Variants in KDM6A observed in about 807,000 individuals in gnomAD.
The protein encoded by KDM6A is lysine demethylase 6A, also known as lysine-specific demethylase 6A.
A neutral mutation model predicts 117.6 loss-of-function variants in KDM6A; 11 were observed. The observed-to-expected ratio is 0.09, with a 90% confidence interval of 0.06 to 0.15. The LOEUF is 0.15. KDM6A is among the 10% of genes least tolerant of loss of function. KDM6A has a pLI of 1.00. For missense variants in KDM6A, 799 were observed against 1,077.3 expected (o/e 0.74, Z 3.62); for synonymous variants, 384 against 396.1 (o/e 0.97, Z 0.36).
Position 44,971,778 on chromosome X carries a change from A to G in KDM6A, c.335-2888A>G, listed in dbSNP as rs149525611. On this transcript the variant is annotated intron_variant, in intron 3 of 29. Coordinates refer to ENST00000611820, the MANE Select transcript of KDM6A (RefSeq NM_001291415.2). ...TGGTAGCAGCCAGATGAAGGAACTT[A>G]CAGGAGGGTTTAGGTAAAGTTTGTT... 2.6e-3 allele frequency among the ~76,000 whole-genome samples: 290 copies of G among 111,478 alleles called. 1 individual carries two copies. Among genetic ancestry groups the G allele is most frequent in the Non-Finnish European group, 3.1e-3 (162 of 53,099 alleles).
Position 44,922,027 on chromosome X carries a change from C to CTTTTTTTTTTTTTTTTTTTTTTTTTT in KDM6A, c.226-39257_226-39256insTTTTTTTTTTTTTTTTTTTTTTTTTT, listed in dbSNP as rs1412985730. On this transcript the variant is annotated intron_variant, in intron 2 of 29. Transcript: ENST00000611820. ...ATGCTGATAAAATTCATTGTGTGTGCCTTTTTTTTTTTTTTTTTTTTTTTT... is the reference window on the plus strand; with the variant it reads ...ATGCTGATAAAATTCATTGTGTGTGCTTTTTTTTTTTTTTTTTTTTTTTTTTCTTTTTTTTTTTTTTTTTTTTTTTT... 2.4e-3 allele frequency among the ~76,000 whole-genome samples: 92 copies of CTTTTTTTTTTTTTTTTTTTTTTTTTT among 37,714 alleles called. 43 individuals carry two copies. The highest frequency in any genetic ancestry group is 6.0e-3 in the South Asian group (2 of 334). 32.8% of individuals were successfully genotyped at this position (37,714 alleles called of 115,157 possible). A position where few individuals can be genotyped will look rare whatever the true frequency, so the allele number is the denominator to read the frequency against.
intron 2 of KDM6A, among the ~76,000 whole-genome samples, chrX:44,925,548 T>C (rs2036250771): frequency 8.9e-6 from 1 of 112,282 alleles, no homozygotes; most frequent in Admixed American, 9.5e-5. Context: ...AATCTGCTTA[T>C]GCAGAGTACT....
chrX:45,024,090 A>G (rs1054576034), intron 6 of KDM6A, among the ~76,000 whole-genome samples: 1 of 112,334 alleles, frequency 8.9e-6, no homozygotes, highest in Non-Finnish European at 1.9e-5. Context: ...TTGTGCTGCT[A>G]TAAACATGTG....
At chrX:45,044,595 C>T (rs2043441076) in intron 8 of KDM6A, among the ~76,000 whole-genome samples, 1 of 111,335 alleles carries the variant, frequency 9.0e-6, no homozygotes, top group South Asian at 3.7e-4. Flanking sequence ...TAAGCAAGTC[C>T]ACATATGTTT....
At chrX:44,895,454 T>A (rs988327142) in intron 2 of KDM6A, among the ~76,000 whole-genome samples, 6 of 84,841 alleles carry the variant, frequency 7.1e-5, no homozygotes, top group African/African-American at 2.0e-4. Flanking sequence ...TTTTTATTGA[T>A]TGCTTTTTTT....
At position 45,078,478 on chromosome X, in the gene KDM6A, C is replaced by T. The variant is rs2148113085; in HGVS notation, c.3067C>T (p.Arg1023Cys). 3 of 1,208,524 alleles carry T rather than the reference C, an allele frequency of 2.5e-6. No homozygotes were observed. Among genetic ancestry groups the T allele is most frequent in the Non-Finnish European group, 3.4e-6 (3 of 893,532 alleles). Residue 1023 changes from arginine (R) to cysteine (C), a missense_variant, in exon 20 of 30, where the codon CGT becomes TGT. Physicochemically the swap from Arg to Cys is radical, Grantham distance 180. Transcript: ENST00000611820. ...TNPNNPVTVI[R>C]GLAGALKLDL... ...TCCGAACAACCCTGTTACAGTAATA[C>T]GTGGCCTTGCTGGAGCTCTTAAGTT... is the stretch of plus-strand genomic sequence containing the variant.
At chrX:44,916,854 C>T (rs1422436318) in intron 2 of KDM6A, among the ~76,000 whole-genome samples, 2 of 109,327 alleles carry the variant, frequency 1.8e-5, no homozygotes, top group Admixed American at 9.8e-5. Context: ...CTGTGTTGCC[C>T]AGGCTGATCT....
chrX:44,942,038 C>CTT (rs756550740), intron 2 of KDM6A, among the ~76,000 whole-genome samples: 6 of 100,641 alleles, frequency 6.0e-5, no homozygotes, highest in Non-Finnish European at 1.0e-4. Context: ...TGTTGAAAGA[C>CTT]TTTTTTTTTT....
intron 27 of KDM6A, among the ~76,000 whole-genome samples, chrX:45,100,479 T>G (rs2046297919): frequency 8.9e-6 from 1 of 112,038 alleles, no homozygotes; most frequent in Admixed American, 9.5e-5. Flanking sequence ...CGATAAGTAA[T>G]TTAGTAAATT....
chrX:45,045,156 C>T (rs1355615301), intron 8 of KDM6A, among the ~76,000 whole-genome samples: 1 of 111,466 alleles, frequency 9.0e-6, no homozygotes, highest in Admixed American at 9.5e-5. Flanking sequence ...AATCTGTCAC[C>T]ACCATTCATC....
At chrX:44,913,320 G>A (rs79321056) in intron 2 of KDM6A, among the ~76,000 whole-genome samples, 917 of 77,296 alleles carry the variant, frequency 0.012, 34 homozygotes, top group Admixed American at 0.11. Context: ...TTTTTGAGAC[G>A]GAGTTTTGCT....
chrX:44,912,632 G>C (rs2035282076), intron 2 of KDM6A, among the ~76,000 whole-genome samples: 1 of 112,133 alleles, frequency 8.9e-6, no homozygotes, highest in Non-Finnish European at 1.9e-5. Flanking sequence ...ACTGAACAGA[G>C]AGGGTTGAGC....
chrX:45,007,391 C>T (rs772818799), intron 4 of KDM6A, among the ~76,000 whole-genome samples: 4 of 111,410 alleles, frequency 3.6e-5, no homozygotes, highest in South Asian at 3.7e-4. Flanking sequence ...AGGGCACCCA[C>T]TTTTTTCTTC....
chrX:44,999,835 A>G (rs1449605580), intron 4 of KDM6A, among the ~76,000 whole-genome samples: 4 of 111,662 alleles, frequency 3.6e-5, no homozygotes, highest in Non-Finnish European at 5.6e-5. Context: ...CTTTGGAGGC[A>G]TGGTATGACA....
At chrX:44,968,850 A>G (rs1158215331) in intron 3 of KDM6A, among the ~76,000 whole-genome samples, 1 of 109,846 alleles carries the variant, frequency 9.1e-6, no homozygotes, top group Non-Finnish European at 1.9e-5. Context: ...CATGCCTGTA[A>G]TCTCAGCTAC....
intron 2 of KDM6A, among the ~76,000 whole-genome samples, chrX:44,943,542 C>T (rs1015944294): frequency 8.9e-6 from 1 of 111,996 alleles, no homozygotes; most frequent in Non-Finnish European, 1.9e-5. Flanking sequence ...TAGACACATG[C>T]ATATACTATG....
intron 8 of KDM6A, among the ~76,000 whole-genome samples, chrX:45,050,249 G>A (rs1038079867): frequency 6.2e-5 from 7 of 112,690 alleles, no homozygotes; most frequent in East Asian, 2.8e-4. Flanking sequence ...TGAGGCAGGA[G>A]AATTCACTTG....
chrX:44,987,164 A>G (rs1260242615), intron 4 of KDM6A, among the ~76,000 whole-genome samples: 1 of 111,650 alleles, frequency 9.0e-6, no homozygotes, highest in Non-Finnish European at 1.9e-5. Flanking sequence ...ACCATTATGT[A>G]ATGGCCTTGT....
At chrX:45,067,654 T>G (rs1048490451) in intron 17 of KDM6A, among the ~76,000 whole-genome samples, 3 of 82,074 alleles carry the variant, frequency 3.7e-5, no homozygotes, top group Non-Finnish European at 6.7e-5. Flanking sequence ...CTTTTTTTTG[T>G]TTTTTTTTTT....
Sources: allele counts gnomAD v4.1 joint callset (sites outside exome capture counted in the v4.1 genomes callset), GRCh38; gene constraint gnomAD v4.1.1; transcripts MANE v1.5; gene names NCBI Gene and HGNC (gene_info 2026-07-23, HGNC 2026-07-21).